LPCAT2: variants seen among roughly 807,000 people sequenced by gnomAD.
LPCAT2 encodes the protein 1-AGP acyltransferase 11.
LPCAT2 carries 58 observed loss-of-function variants against 64.7 expected under a neutral mutation model. The observed-to-expected ratio is 0.90, with a 90% CI of 0.73 to 1.12. The LOEUF (loss-of-function observed/expected upper bound fraction) is 1.12, where lower values mean the gene tolerates loss of function less well. LPCAT2 is among the 50% of genes most tolerant of loss of function. LPCAT2 has a pLI of 0.00. For synonymous variants in LPCAT2, 252 were observed against 245.3 expected, an observed-to-expected ratio of 1.03 and a Z score of -0.26; for missense variants, 579 against 669.8, an observed-to-expected ratio of 0.86 and a Z score of 1.50.
intron 1 of LPCAT2, among the ~76,000 whole-genome samples, chr16:55,510,444 G>A (rs1962915198): frequency 6.7e-6 from 1 of 150,224 alleles, no homozygotes; most frequent in African/African-American, 2.5e-5. Context: ...CGTGTGTTCT[G>A]CGGGGGTTGG....
At chr16:55,579,019 T>A in intron 12 of LPCAT2, 90 bp from the exon 13 acceptor site, 1 of 1,185,308 alleles carries the variant, frequency 8.4e-7, no homozygotes. Flanking sequence ...CCACAGTAGA[T>A]GTTTGAATTA....
intron 8 of LPCAT2, among the ~76,000 whole-genome samples, chr16:55,543,350 T>C (rs1963418033): frequency 6.6e-6 from 1 of 152,214 alleles, no homozygotes. Flanking sequence ...CATTGTATTA[T>C]GTTTGGTTAA....
chr16:55,563,052 T>G (rs985297584), intron 11 of LPCAT2, among the ~76,000 whole-genome samples: 2 of 151,796 alleles, frequency 1.3e-5, no homozygotes, highest in African/African-American at 2.4e-5. Flanking sequence ...GAGAAGACAT[T>G]GCTACCAATT....
At chr16:55,512,213 T>G in intron 1 of LPCAT2, among the ~76,000 whole-genome samples, 1 of 152,224 alleles carries the variant, frequency 6.6e-6, no homozygotes, top group East Asian at 1.9e-4. Context: ...TCATTATATT[T>G]GTAAGTCAGT....
intron 6 of LPCAT2, among the ~76,000 whole-genome samples, chr16:55,533,520 C>G (rs1963283531): frequency 6.9e-6 from 1 of 144,356 alleles, no homozygotes; most frequent in Non-Finnish European, 1.5e-5. Context: ...AAGTGATTCT[C>G]TCCTTTCTCA....
At chr16:55,540,484 A>G (rs1231367733) in intron 8 of LPCAT2, 1 of 152,232 alleles carries the variant, frequency 6.6e-6, no homozygotes, top group Non-Finnish European at 1.5e-5. Flanking sequence ...TGTGACATGA[A>G]TTAAGAGTCT....
intron 11 of LPCAT2, among the ~76,000 whole-genome samples, chr16:55,572,059 A>G (rs1194189015): frequency 6.6e-6 from 1 of 152,218 alleles, no homozygotes; most frequent in East Asian, 1.9e-4. Context: ...TCATATTACT[A>G]GGATGAAAAG....
intron 12 of LPCAT2, 105 bp downstream of exon 12, chr16:55,574,834 T>A (rs1963810358): frequency 1.2e-6 from 1 of 829,048 alleles, no homozygotes; most frequent in Non-Finnish European, 2.1e-6. Flanking sequence ...ATTTTATAGA[T>A]CTGCTGTGAC....
chr16:55,531,628 A>T (rs1236861279), intron 4 of LPCAT2, among the ~76,000 whole-genome samples: 3 of 152,218 alleles, frequency 2.0e-5, no homozygotes, highest in Non-Finnish European at 4.4e-5. Flanking sequence ...ATTATGCTCT[A>T]CATCTTTTAA....
intron 8 of LPCAT2, among the ~76,000 whole-genome samples, chr16:55,544,870 CT>C (rs1241391297): frequency 1.3e-5 from 2 of 152,010 alleles, no homozygotes; most frequent in Non-Finnish European, 2.9e-5. Context: ...ACTTGCATGC[CT>C]TTAGGTAAGT....
intron 11 of LPCAT2, chr16:55,566,940 C>A (rs371505336): frequency 1.9e-5 from 30 of 1,613,658 alleles, no homozygotes; most frequent in Non-Finnish European, 2.5e-5. Context: ...AGAACCGCCT[C>A]CCACTCAGCA....
At chr16:55,526,934 G>C (rs1282495913) in intron 2 of LPCAT2, among the ~76,000 whole-genome samples, 1 of 152,088 alleles carries the variant, frequency 6.6e-6, no homozygotes, top group Non-Finnish European at 1.5e-5. Context: ...TTAAATAAGA[G>C]TGTTTAATGG....
At chr16:55,550,090 G>C (rs754980858) in intron 10 of LPCAT2, among the ~76,000 whole-genome samples, 1 of 152,030 alleles carries the variant, frequency 6.6e-6, no homozygotes, top group African/African-American at 2.4e-5. Context: ...CAGTATTAAA[G>C]TATAATATTT....
intron 12 of LPCAT2, among the ~76,000 whole-genome samples, chr16:55,576,877 T>C (rs1393807472): frequency 6.6e-6 from 1 of 152,030 alleles, no homozygotes; most frequent in African/African-American, 2.4e-5. Context: ...AGGACACATA[T>C]AGAGGAAGTA....
chr16:55,548,283 A>G (rs1366599626), intron 9 of LPCAT2, among the ~76,000 whole-genome samples: 1 of 152,054 alleles, frequency 6.6e-6, no homozygotes, highest in Non-Finnish European at 1.5e-5. Context: ...TATTTTTTTC[A>G]AATCTAATTC....
chr16:55,574,479 T>A (rs1963804800), intron 11 of LPCAT2, 152 bp from the exon 12 acceptor site: 1 of 628,266 alleles, frequency 1.6e-6, no homozygotes, highest in East Asian at 2.7e-5. Context: ...ATAGTTGGGC[T>A]ACTTGCTTGC....
intron 8 of LPCAT2, chr16:55,540,781 GC>G: frequency 4.9e-6 from 1 of 204,492 alleles, no homozygotes; most frequent in Non-Finnish European, 9.9e-6. Context: ...GCCTGAAACT[GC>G]AAGAAATACC....
chr16:55,573,863 C>T (rs1434275634), intron 11 of LPCAT2, among the ~76,000 whole-genome samples: 2 of 151,924 alleles, frequency 1.3e-5, no homozygotes, highest in African/African-American at 4.8e-5. Flanking sequence ...TCCTTTTCTC[C>T]TAAGCTTTCT....
chr16:55,518,256 T>C (rs1423418139), intron 1 of LPCAT2, among the ~76,000 whole-genome samples: 1 of 151,480 alleles, frequency 6.6e-6, no homozygotes, highest in African/African-American at 2.5e-5. Context: ...CAAAATATCA[T>C]TGAAAGAAAT....
Sources: allele counts gnomAD v4.1 joint callset (sites outside exome capture counted in the v4.1 genomes callset), GRCh38; gene constraint gnomAD v4.1.1; transcripts MANE v1.5; gene names NCBI Gene and HGNC (gene_info 2026-07-23, HGNC 2026-07-21).